Variants in KCNMB4 observed in about 807,000 individuals in gnomAD.
The protein encoded by KCNMB4 is potassium calcium-activated channel subfamily M regulatory beta subunit 4, also known as calcium-activated potassium channel subunit beta-4.
Under a neutral mutation model 20.7 loss-of-function variants are expected in KCNMB4, and 3 were observed. The ratio of observed to expected loss-of-function variants is 0.14; its 90% CI spans 0.07 to 0.37. The LOEUF (loss-of-function observed/expected upper bound fraction) is 0.37, where lower values mean the gene tolerates loss of function less well. Among genes scored for constraint, KCNMB4 ranks in the 10% least tolerant of loss-of-function variants. The pLI is 1.00. For synonymous variants in KCNMB4, 110 were observed against 113.4 expected, an observed-to-expected ratio of 0.97 and a Z score of 0.19; for missense variants, 168 against 265.9, an observed-to-expected ratio of 0.63 and a Z score of 2.56.
intron 1 of KCNMB4, among the ~76,000 whole-genome samples, chr12:70,369,740 T>C (rs1490816718): frequency 1.3e-5 from 2 of 152,352 alleles, no homozygotes; most frequent in East Asian, 1.9e-4. Flanking sequence ...GTGAGTAAAT[T>C]TGATCTTTGA....
At chr12:70,421,513 C>T (rs1869056384) in intron 2 of KCNMB4, among the ~76,000 whole-genome samples, 1 of 147,496 alleles carries the variant, frequency 6.8e-6, no homozygotes, top group Non-Finnish European at 1.5e-5. Context: ...TACATACCCT[C>T]ATTTGATCTT....
At chr12:70,394,543 A>G (rs571940291) in intron 1 of KCNMB4, among the ~76,000 whole-genome samples, 1 of 152,354 alleles carries the variant, frequency 6.6e-6, no homozygotes, top group East Asian at 1.9e-4. Flanking sequence ...TTTAGCTGAC[A>G]TATAATTTCG....
intron 1 of KCNMB4, 112 bp downstream of exon 1, chr12:70,367,182 G>T: frequency 1.3e-6 from 1 of 785,968 alleles, no homozygotes; most frequent in Non-Finnish European, 1.9e-6. Context: ...GCTAGGAGGA[G>T]ACCAGGTGGC....
chr12:70,411,657 T>C (rs1021125576), intron 2 of KCNMB4, among the ~76,000 whole-genome samples: 1 of 152,088 alleles, frequency 6.6e-6, no homozygotes, highest in Non-Finnish European at 1.5e-5. Flanking sequence ...AATGCTACCA[T>C]CTCAAGCTGG....
intron 1 of KCNMB4, among the ~76,000 whole-genome samples, chr12:70,368,909 T>C (rs1204957158): frequency 6.6e-6 from 1 of 152,216 alleles, no homozygotes; most frequent in Non-Finnish European, 1.5e-5. Context: ...GGGACGTTGA[T>C]TTTTAAATTA....
chr12:70,424,416 G>C (rs532027808), intron 2 of KCNMB4, among the ~76,000 whole-genome samples: 29 of 150,482 alleles, frequency 1.9e-4, no homozygotes, highest in African/African-American at 6.6e-4. Flanking sequence ...AGTCCAGCCT[G>C]GGCAACAGAG....
chr12:70,405,690 C>G (rs1206141999), intron 2 of KCNMB4, among the ~76,000 whole-genome samples: 2 of 152,138 alleles, frequency 1.3e-5, no homozygotes, highest in African/African-American at 2.4e-5. Context: ...TCCTGAAGAG[C>G]ACTCCTCCTT....
chr12:70,408,986 G>C (rs902722263), intron 2 of KCNMB4, among the ~76,000 whole-genome samples: 2 of 151,894 alleles, frequency 1.3e-5, no homozygotes, highest in African/African-American at 4.8e-5. Flanking sequence ...GCCTTAACTG[G>C]CTTCTCCTTG....
At position 70,431,856 on chromosome 12, in the gene KCNMB4, C is replaced by T. The variant is rs1048419790; in HGVS notation, c.*1203C>T. On this transcript the variant is annotated 3_prime_UTR_variant, in exon 3 of 3. Coordinates refer to ENST00000258111, the MANE Select transcript of KCNMB4 (RefSeq NM_014505.6). ...ACATCGTTAGTGGAGGAAAAACTGA[C>T]AACCTAATTTCATTTGTTTTCTTCT... 1.3e-5 allele frequency: 2 copies of T among 152,100 alleles called. No homozygotes were observed. The highest frequency in any genetic ancestry group is 2.9e-5 in the Non-Finnish European group (2 of 68,026). 9.4% of individuals were successfully genotyped at this position (152,100 alleles called of 1,614,324 possible).
At chr12:70,396,767 C>G (rs1041639966) in intron 1 of KCNMB4, among the ~76,000 whole-genome samples, 6 of 152,144 alleles carry the variant, frequency 3.9e-5, no homozygotes, top group Non-Finnish European at 8.8e-5. Flanking sequence ...TGTGGTCCTC[C>G]CCAAATGAGA....
chr12:70,394,663 G>GTTTA (rs1015617651), intron 1 of KCNMB4, among the ~76,000 whole-genome samples: 1 of 152,082 alleles, frequency 6.6e-6, no homozygotes, highest in Non-Finnish European at 1.5e-5. Flanking sequence ...ACATTATGGA[G>GTTTA]TTTATTTATT....
intron 1 of KCNMB4, among the ~76,000 whole-genome samples, chr12:70,382,003 A>AT (rs1883795276): frequency 1.3e-5 from 2 of 152,234 alleles, no homozygotes; most frequent in South Asian, 4.1e-4. Flanking sequence ...ACTGCCTATT[A>AT]TTTTTTGGAA....
intron 1 of KCNMB4, among the ~76,000 whole-genome samples, chr12:70,393,951 T>C (rs1246855785): frequency 6.6e-6 from 1 of 152,196 alleles, no homozygotes; most frequent in East Asian, 1.9e-4. Flanking sequence ...AGCAAATTCC[T>C]GTTCAGCCTT....
At chr12:70,412,027 A>G (rs1420115548) in intron 2 of KCNMB4, among the ~76,000 whole-genome samples, 1 of 152,210 alleles carries the variant, frequency 6.6e-6, no homozygotes, top group Non-Finnish European at 1.5e-5. Context: ...GAGCTTGGAC[A>G]AAGGTAGAAT....
At chr12:70,410,327 C>T (rs1868737403) in intron 2 of KCNMB4, among the ~76,000 whole-genome samples, 1 of 152,196 alleles carries the variant, frequency 6.6e-6, no homozygotes, top group African/African-American at 2.4e-5. Flanking sequence ...TACTGTGTAA[C>T]CTTCTCCCAC....
chr12:70,370,315 G>GTT (rs754863346), intron 1 of KCNMB4, among the ~76,000 whole-genome samples: 19 of 126,104 alleles, frequency 1.5e-4, no homozygotes, highest in East Asian at 4.9e-4. Flanking sequence ...TTGTTTTTTT[G>GTT]TTTTTTTTTT....
At chr12:70,420,659 C>T (rs1312754246) in intron 2 of KCNMB4, among the ~76,000 whole-genome samples, 1 of 152,172 alleles carries the variant, frequency 6.6e-6, no homozygotes, top group Non-Finnish European at 1.5e-5. Context: ...CTTTAAGCTA[C>T]TAGAGCAGCA....
At chr12:70,388,249 C>T (rs1192840060) in intron 1 of KCNMB4, among the ~76,000 whole-genome samples, 1 of 152,120 alleles carries the variant, frequency 6.6e-6, no homozygotes. Flanking sequence ...TAGGTCACTT[C>T]CAAATCTTAC....
chr12:70,367,084 G>A lies in KCNMB4; in HGVS notation c.336+14G>A, dbSNP rs1403450823. On this transcript the variant is annotated intron_variant, in intron 1 of 2. Transcript: ENST00000258111. ...ACCAACCCCAAGGTAAGAACGCCCC[G>A]CGCACCCAGGGGCTCCCCGCGAGGG... 1 of 1,495,138 alleles carries A rather than the reference G, an allele frequency of 6.7e-7. No individual in the cohort carries two copies. Among genetic ancestry groups the A allele is most frequent in the Non-Finnish European group, 8.9e-7 (1 of 1,119,668 alleles). 92.6% of individuals were successfully genotyped at this position (1,495,138 alleles called of 1,614,324 possible).
Sources: allele counts gnomAD v4.1 joint callset (sites outside exome capture counted in the v4.1 genomes callset), GRCh38; gene constraint gnomAD v4.1.1; transcripts MANE v1.5; gene names NCBI Gene and HGNC (gene_info 2026-07-23, HGNC 2026-07-21).